Variants in ERBB4 observed in about 807,000 individuals in gnomAD.
ERBB4 encodes the protein receptor tyrosine-protein kinase erbB-4.
A neutral mutation model predicts 158.0 loss-of-function variants in ERBB4; 42 were observed. That is an observed-to-expected ratio of 0.27 (90% CI 0.21 to 0.34). The LOEUF is 0.34. ERBB4 is among the 10% of genes least tolerant of loss of function. ERBB4 has a pLI of 1.00. For missense variants in ERBB4, 1,333 were observed against 1,624.1 expected (o/e 0.82, Z 3.08); for synonymous variants, 583 against 558.7 (o/e 1.04, Z -0.61).
At chr2:211,655,972 T>A (rs949085624) in intron 16 of ERBB4, among the ~76,000 whole-genome samples, 2 of 152,216 alleles carry the variant, frequency 1.3e-5, no homozygotes, top group African/African-American at 4.8e-5. Flanking sequence ...TTTAAAAACA[T>A]GTAAAGGCAA....
In ERBB4 at chr2:212,131,864, G is replaced by T. The variant is rs1225036288; in HGVS notation, c.83-6961C>A. ...GTAAAGAACCATAACCAACTGAGGT[G>T]CTTGCTGAAGGCAAAGGGAGTATGA... On this transcript the variant is annotated intron_variant, in intron 1 of 27. Transcript: ENST00000342788. Among the ~76,000 whole-genome samples the T allele has an allele frequency of 2.0e-5, 3 of 152,194 alleles. No homozygotes were observed. The East Asian group carries it at 5.8e-4, about 29-fold the overall frequency.
Position 212,172,371 on chromosome 2 carries a change from C to G in ERBB4, c.83-47468G>C, listed in dbSNP as rs185578888. Among the ~76,000 whole-genome samples the G allele has an allele frequency of 7.9e-5, 12 of 152,188 alleles. No homozygotes were observed. In the East Asian group the frequency reaches 1.4e-3, roughly 17 times the overall value. ...AACACTGTGGTGATTCCTCAAAGAC[C>G]TAGAGGCAGAAATACCGTTTGACTC... On this transcript the variant is annotated intron_variant, in intron 1 of 27. Coordinates refer to ENST00000342788, the MANE Select transcript of ERBB4 (RefSeq NM_005235.3).
rs1276412102 is a variant in ERBB4, at chr2:211,379,917, A to C, written c.*3698T>G. 4.3e-6 allele frequency: 1 copy of C among 231,938 alleles called. No homozygotes were observed. Among genetic ancestry groups the C allele is most frequent in the Non-Finnish European group, 8.5e-6 (1 of 117,382 alleles). 14.4% of individuals were successfully genotyped at this position (231,938 alleles called of 1,614,324 possible). On this transcript the variant is annotated 3_prime_UTR_variant, in exon 28 of 28. Transcript: ENST00000342788. ...GCACATTAATAGTCCTTCCAACTTC[A>C]TCTAGTAGCAGAGCCTCACACAGTC...
intron 3 of ERBB4, among the ~76,000 whole-genome samples, chr2:211,826,943 T>C (rs1411169006): frequency 9.9e-5 from 15 of 152,024 alleles, no homozygotes; most frequent in African/African-American, 3.4e-4. Context: ...TTCTTCCCTT[T>C]TGCATGTGTG....
chr2:211,627,269 A>G (rs923037312), intron 17 of ERBB4, among the ~76,000 whole-genome samples: 2 of 152,244 alleles, frequency 1.3e-5, no homozygotes, highest in Non-Finnish European at 2.9e-5. Flanking sequence ...AACTGCAAAC[A>G]TACATAGCAC....
intron 3 of ERBB4, among the ~76,000 whole-genome samples, chr2:211,894,905 A>C (rs1267961348): frequency 6.6e-6 from 1 of 152,230 alleles, no homozygotes; most frequent in African/African-American, 2.4e-5. Context: ...AATCACTAAT[A>C]TCTAACATGA....
chr2:212,099,231 A>T (rs1222843523), intron 2 of ERBB4, among the ~76,000 whole-genome samples: 1 of 151,796 alleles, frequency 6.6e-6, no homozygotes, highest in African/African-American at 2.4e-5. Context: ...AGCCTGGGTG[A>T]AAAAGCCAGA....
intron 7 of ERBB4, among the ~76,000 whole-genome samples, chr2:211,719,512 A>C (rs946637235): frequency 2.0e-5 from 3 of 152,074 alleles, no homozygotes; most frequent in Non-Finnish European, 4.4e-5. Flanking sequence ...TTCTTTTGAA[A>C]ACCTTCCCAC....
intron 1 of ERBB4, among the ~76,000 whole-genome samples, chr2:212,489,141 A>G (rs1294703835): frequency 1.3e-5 from 2 of 151,892 alleles, no homozygotes; most frequent in East Asian, 3.9e-4. Context: ...ATAGTTAAGT[A>G]TAAAATAAGA....
At chr2:212,226,071 CAAAT>C (rs2083457455) in intron 1 of ERBB4, among the ~76,000 whole-genome samples, 2 of 152,116 alleles carry the variant, frequency 1.3e-5, no homozygotes, top group Non-Finnish European at 1.5e-5. Flanking sequence ...CAGAGAGATT[CAAAT>C]CGGCAAAGAT....
At chr2:211,452,512 C>G (rs1043205059) in intron 20 of ERBB4, among the ~76,000 whole-genome samples, 1 of 152,150 alleles carries the variant, frequency 6.6e-6, no homozygotes. Flanking sequence ...TATTTCTTAC[C>G]ATTTTCTTCA....
At chr2:212,529,262 A>G (rs1267791417) in intron 1 of ERBB4, among the ~76,000 whole-genome samples, 1 of 152,206 alleles carries the variant, frequency 6.6e-6, no homozygotes, top group Non-Finnish European at 1.5e-5. Context: ...ATAGCAAAAT[A>G]ATAGCCATTA....
chr2:211,985,139 G>A (rs998460857), intron 2 of ERBB4, among the ~76,000 whole-genome samples: 2 of 152,228 alleles, frequency 1.3e-5, no homozygotes, highest in Admixed American at 1.3e-4. Context: ...TTGGCAACAA[G>A]ACTCTTACCA....
At chr2:212,251,811 G>A (rs2084544730) in intron 1 of ERBB4, among the ~76,000 whole-genome samples, 1 of 149,764 alleles carries the variant, frequency 6.7e-6, no homozygotes, top group African/African-American at 2.5e-5. Context: ...TCCATTGCTG[G>A]CTGTTAGTCA....
intron 1 of ERBB4, among the ~76,000 whole-genome samples, chr2:212,536,152 GGGGAGAC>G: frequency 6.6e-6 from 1 of 152,270 alleles, no homozygotes; most frequent in South Asian, 2.1e-4. Context: ...AACCGCGAGA[GGGGAGAC>G]GCGCAATATG....
chr2:212,504,115 T>A (rs1691050385), intron 1 of ERBB4, among the ~76,000 whole-genome samples: 2 of 152,180 alleles, frequency 1.3e-5, no homozygotes, highest in African/African-American at 4.8e-5. Flanking sequence ...TGCTCTTACA[T>A]ACTGATTAGA....
At chr2:212,419,420 C>T (rs148159092) in intron 1 of ERBB4, among the ~76,000 whole-genome samples, 61 of 151,876 alleles carry the variant, frequency 4.0e-4, no homozygotes, top group South Asian at 1.2e-3. Context: ...TTTTCAGAAT[C>T]ATACTAAACA....
At chr2:212,440,166 T>C (rs1287126250) in intron 1 of ERBB4, among the ~76,000 whole-genome samples, 1 of 152,222 alleles carries the variant, frequency 6.6e-6, no homozygotes, top group Non-Finnish European at 1.5e-5. Flanking sequence ...GATTGAAGGA[T>C]ATAAAGTATT....
At chr2:212,166,328 A>G (rs899787408) in intron 1 of ERBB4, among the ~76,000 whole-genome samples, 1 of 152,044 alleles carries the variant, frequency 6.6e-6, no homozygotes, top group African/African-American at 2.4e-5. Flanking sequence ...TCAAACTAAT[A>G]TGGTTGGAAA....
Sources: gnomAD v4.1 joint callset for allele counts (sites outside exome capture counted in the v4.1 genomes callset) on GRCh38, gnomAD v4.1.1 for gene constraint, MANE v1.5 for transcripts, NCBI Gene and HGNC (gene_info 2026-07-23, HGNC 2026-07-21) for gene names.